The following SYNRG variants were observed in gnomAD, a reference collection of about 807,000 sequenced individuals.
The protein encoded by SYNRG is AP1 gamma subunit binding protein 1.
SYNRG carries 37 observed loss-of-function variants against 130.9 expected under a neutral mutation model. That is an observed-to-expected ratio of 0.28 (90% confidence interval 0.22 to 0.37). The LOEUF is 0.37. Ranked by LOEUF, SYNRG falls within the 10% of genes least tolerant of loss-of-function variation. SYNRG has a pLI of 1.00. For synonymous variants in SYNRG, 539 were observed against 568.1 expected (o/e 0.95, Z 0.73); for missense variants, 1,338 against 1,588.9 (o/e 0.84, Z 2.68).
At chr17:37,567,806 A>G (rs2145892803) in intron 11 of SYNRG, 1 of 152,346 alleles carries the variant, frequency 6.6e-6, no homozygotes, top group South Asian at 2.1e-4. Context: ...GACATGGAAT[A>G]TGTATTCTGA....
intron 3 of SYNRG, 49 bp downstream of exon 3, chr17:37,596,174 G>T: frequency 6.3e-7 from 1 of 1,596,838 alleles, no homozygotes; most frequent in Non-Finnish European, 8.6e-7. Flanking sequence ...ATATATAAAC[G>T]TAACAACAAA....
intron 19 of SYNRG, among the ~76,000 whole-genome samples, chr17:37,521,448 C>T (rs1047325203): frequency 6.6e-6 from 1 of 151,970 alleles, no homozygotes; most frequent in Non-Finnish European, 1.5e-5. Context: ...ACAAGCAGCA[C>T]AGGCAAAGGC....
At chr17:37,599,305 CAT>C (rs2063059582) in intron 2 of SYNRG, among the ~76,000 whole-genome samples, 1 of 152,196 alleles carries the variant, frequency 6.6e-6, no homozygotes, top group Non-Finnish European at 1.5e-5. Context: ...TGCATGGCAG[CAT>C]GGGTCAAAAT....
chr17:37,562,527 C>T (rs184174507), intron 11 of SYNRG, among the ~76,000 whole-genome samples: 12 of 152,252 alleles, frequency 7.9e-5, no homozygotes, highest in Non-Finnish European at 1.2e-4. Flanking sequence ...AAATGGATTT[C>T]TATTGAGTTC....
At chr17:37,522,320 G>A (rs1410714123) in intron 19 of SYNRG, among the ~76,000 whole-genome samples, 1 of 151,742 alleles carries the variant, frequency 6.6e-6, no homozygotes, top group Non-Finnish European at 1.5e-5. Flanking sequence ...ATGCCACCAC[G>A]CCCAGCTAAT....
At chr17:37,519,419 A>G (rs1025911849) in intron 21 of SYNRG, among the ~76,000 whole-genome samples, 3 of 152,160 alleles carry the variant, frequency 2.0e-5, no homozygotes, top group Admixed American at 6.6e-5. Context: ...TGCTGAAGGA[A>G]GCCCTCCTCC....
intron 13 of SYNRG, among the ~76,000 whole-genome samples, chr17:37,555,588 G>GT (rs2059057459): frequency 6.6e-6 from 1 of 152,138 alleles, no homozygotes; most frequent in Non-Finnish European, 1.5e-5. Context: ...AAAAACCAGA[G>GT]ATAAACCAAA....
chr17:37,560,403 T>C (rs2059436752), intron 13 of SYNRG, among the ~76,000 whole-genome samples: 1 of 151,500 alleles, frequency 6.6e-6, no homozygotes, highest in African/African-American at 2.4e-5. Context: ...TGGCATGATC[T>C]TGGTTCACTG....
At chr17:37,529,429 T>G (rs2056352983) in intron 19 of SYNRG, among the ~76,000 whole-genome samples, 1 of 151,742 alleles carries the variant, frequency 6.6e-6, no homozygotes, top group Non-Finnish European at 1.5e-5. Context: ...GATGGAGTAG[T>G]CTATATCTTG....
chr17:37,520,767 A>G, intron 19 of SYNRG, 119 bp from the exon 20 acceptor site: 2 of 754,486 alleles, frequency 2.7e-6, no homozygotes, highest in South Asian at 1.7e-5. Context: ...TAACACCACC[A>G]CTACAAGAAT....
rs764536698 is a variant in SYNRG at position 37,577,645 on chromosome 17, A to T, written c.590-32T>A. On this transcript the variant is annotated intron_variant, in intron 6 of 21. Transcript: ENST00000612223. The stretch of plus-strand genomic sequence containing the variant: ...AAAGAGCATGAAGGATTATTTGTAT[A>T]TAACTGTATATGTCTAATCTTTTTA... 6.6e-6 allele frequency: 10 copies of T among 1,506,042 alleles called. No homozygotes were observed. In the East Asian group the frequency reaches 2.3e-4, roughly 34 times the overall value. 93.3% of individuals were successfully genotyped at this position (1,506,042 alleles called of 1,614,324 possible). A position where few individuals can be genotyped will look rare whatever the true frequency, so the allele number is the denominator to read the frequency against.
intron 1 of SYNRG, among the ~76,000 whole-genome samples, chr17:37,604,004 G>A (rs968480778): frequency 1.3e-5 from 2 of 152,122 alleles, no homozygotes; most frequent in African/African-American, 4.8e-5. Flanking sequence ...ACTTTGGGAG[G>A]CCGAGGTGGG....
rs758328268 is a variant in SYNRG at position 37,538,379 on chromosome 17, A to G, written c.3462T>C (p.Ser1154=). 4 of 1,612,060 alleles carry G rather than the reference A, an allele frequency of 2.5e-6. No individual in the cohort carries two copies. In the African/African-American group the frequency reaches 5.3e-5, roughly 22 times the overall value. Residue 1154 remains serine (S), a synonymous_variant, in exon 18 of 22, where the codon AGT becomes AGC. Coordinates refer to ENST00000612223, the MANE Select transcript of SYNRG (RefSeq NM_007247.6). The part of the protein sequence containing the change: ...KANDTLNGIS[S]SSVCTEVIQS... The stretch of plus-strand genomic sequence containing the variant: ...GAATTACTTCTGTGCAAACAGAACT[A>G]CTACTGATTCCATTTAAGGTATCAT...
Position 37,553,942 on chromosome 17 carries a change from G to C in SYNRG, c.1781C>G (p.Ser594Cys). The C allele has an allele frequency of 1.2e-6, 2 of 1,610,504 alleles. No individual in the cohort carries two copies. Among genetic ancestry groups the C allele is most frequent in the Non-Finnish European group, 1.7e-6 (2 of 1,179,364 alleles). Residue 594 changes from serine to cysteine, a missense_variant, in exon 14 of 22, where the codon TCC (serine) becomes TGC (cysteine). Ser to Cys is a moderately radical substitution (Grantham distance 112, BLOSUM62 -1). Coordinates refer to ENST00000612223, the MANE Select transcript of SYNRG (RefSeq NM_007247.6). ...PPTKDKTFPP[S>C]FPSGTIQQKQ... ...CTGTTGTATAGTTCCTGAGGGGAAG[G>C]ATGGTGGAAAAGTTTTGTCTTTTGT...
chr17:37,552,326 A>G (rs17660331), intron 14 of SYNRG, among the ~76,000 whole-genome samples: 24,432 of 152,224 alleles, frequency 0.16, 2,151 homozygotes, highest in Middle Eastern at 0.27. Flanking sequence ...TTGGGAATCT[A>G]GTTTTTATGA....
At chr17:37,530,545 A>C (rs2056518506) in intron 19 of SYNRG, among the ~76,000 whole-genome samples, 1 of 152,220 alleles carries the variant, frequency 6.6e-6, no homozygotes, top group Non-Finnish European at 1.5e-5. Context: ...GATCCAGAGG[A>C]TAATGAACTG....
In SYNRG at chr17:37,576,356, C is replaced by G; in HGVS notation, c.886G>C (p.Glu296Gln). The change falls in exon 8 of 22, where the codon GAG becomes CAG. Residue 296 changes from glutamate to glutamine, a missense_variant. Around this residue, in one of 3 missense-constraint regions of SYNRG, gnomAD observed 1,146 missense variants for 1,342.3 expected, o/e 0.85. Transcript: ENST00000612223. ...QPRMPPWIYN[E>Q]SLVPDAYKKI... ...GCTTTTTTACCTGGAACCAAACTCT[C>G]ATTGTAAATCCAAGGAGGCATTCTG... 6.2e-7 allele frequency: 1 copy of G among 1,613,756 alleles called. No homozygotes were observed. Among genetic ancestry groups the G allele is most frequent in the South Asian group, 1.1e-5 (1 of 91,068 alleles).
Position 37,517,857 on chromosome 17 carries a change from C to A in SYNRG, c.*1083G>T, listed in dbSNP as rs1380520468. ...TTTTTCCCCTAATTTTATGCATTCA[C>A]ATTAAATGGCAAAGACAATTCCCTA... On this transcript the variant is annotated 3_prime_UTR_variant, in exon 22 of 22. Transcript: ENST00000612223. The A allele has an allele frequency of 6.6e-6, 1 of 152,284 alleles. No homozygotes were observed. Among genetic ancestry groups the A allele is most frequent in the Admixed American group, 6.5e-5 (1 of 15,284 alleles). The allele number at this position is 152,284 out of a possible 1,614,324, so 9.4% of individuals were successfully genotyped here. A position where few individuals can be genotyped will look rare whatever the true frequency, so the allele number is the denominator to read the frequency against.
rs536406352 is a variant in SYNRG at position 37,556,321 on chromosome 17, G to A, written c.1664-2262C>T. On this transcript the variant is annotated intron_variant, in intron 13 of 21. Coordinates refer to ENST00000612223, the MANE Select transcript of SYNRG (RefSeq NM_007247.6). ...AAAAAATTAGCTGGGTGTGGTGGCA[G>A]GTGCCTGTAATCCTAGCTACTTGGG... Among the ~76,000 whole-genome samples the A allele has an allele frequency of 3.3e-5, 5 of 151,962 alleles. No homozygotes were observed. In the East Asian group the frequency reaches 9.7e-4, roughly 29 times the overall value.
Sources: allele counts gnomAD v4.1 joint callset (sites outside exome capture counted in the v4.1 genomes callset), GRCh38; gene constraint gnomAD v4.1.1; regional missense constraint gnomAD v4.1.1; transcripts MANE v1.5; gene names NCBI Gene and HGNC (gene_info 2026-07-23, HGNC 2026-07-21).